TAB3: variants seen among roughly 807,000 people sequenced by gnomAD.
TAB3 encodes TGF-beta activated kinase 1 (MAP3K7) binding protein 3.
In TAB3, 18 loss-of-function variants were observed where a neutral mutation model predicts 48.1. The ratio of observed to expected loss-of-function variants is 0.37; its 90% CI spans 0.26 to 0.55. TAB3 has a LOEUF of 0.55. TAB3 is among the 20% of genes least tolerant of loss of function. TAB3 has a pLI of 0.78. For synonymous variants in TAB3, 185 were observed against 190.2 expected (o/e 0.97, Z 0.22); for missense variants, 414 against 549.8 (o/e 0.75, Z 2.47).
At chrX:30,850,572 C>T (rs1391120815) in intron 7 of TAB3, among the ~76,000 whole-genome samples, 1 of 108,919 alleles carries the variant, frequency 9.2e-6, no homozygotes, top group Non-Finnish European at 1.9e-5. Flanking sequence ...ATTAGCCAGG[C>T]GTGGTGGCAC....
At position 30,859,517 on chromosome X, in the gene TAB3, T is replaced by C. The variant is rs1031041039; in HGVS notation, c.72A>G (p.Pro24=). Residue 24 remains proline, a synonymous_variant, in exon 5 of 11, where the codon CCA becomes CCG. Transcript: ENST00000288422. Reference sequence around the variant, plus strand: ...ACATGCACTGAGACACCACGCCCTCTGGAATTTCAGGGAAACGTTGTCGAA... The same window carrying C: ...ACATGCACTGAGACACCACGCCCTCCGGAATTTCAGGGAAACGTTGTCGAA... ...HDLRQRFPEI[P]EGVVSQCMLQ... The C allele has an allele frequency of 1.7e-6, 2 of 1,210,320 alleles. No individual in the cohort carries two copies. Among genetic ancestry groups the C allele is most frequent in the Admixed American group, 2.2e-5 (1 of 45,896 alleles).
chrX:30,845,906 C>T (rs1449492654), intron 8 of TAB3: 7 of 846,453 alleles, frequency 8.3e-6, no homozygotes, highest in African/African-American at 2.2e-5. Flanking sequence ...ACAATTCAAC[C>T]GATGGGAGCA....
At chrX:30,852,550 C>T (rs775411710) in intron 7 of TAB3, among the ~76,000 whole-genome samples, 4 of 111,242 alleles carry the variant, frequency 3.6e-5, no homozygotes, top group Non-Finnish European at 5.6e-5. Context: ...TGATTATAAT[C>T]GTCAGTGTTT....
chrX:30,874,579 G>A (rs749689686), intron 1 of TAB3, among the ~76,000 whole-genome samples: 6 of 112,287 alleles, frequency 5.3e-5, no homozygotes, highest in East Asian at 5.6e-4. Flanking sequence ...CAGGCCTAAC[G>A]TAAAATAATT....
intron 9 of TAB3, 105 bp from the exon 10 acceptor site, chrX:30,834,257 T>C (rs1323050125): frequency 1.6e-6 from 1 of 644,725 alleles, no homozygotes; most frequent in African/African-American, 2.2e-5. Context: ...CTGAGTGCAT[T>C]TACCCTACCT....
chrX:30,864,046 A>G (rs748533034), intron 4 of TAB3, among the ~76,000 whole-genome samples: 12 of 111,734 alleles, frequency 1.1e-4, no homozygotes, highest in Non-Finnish European at 2.3e-4. Context: ...TTTTTATACA[A>G]TAAGTGCTGA....
At chrX:30,871,634 G>A (rs971804262) in intron 2 of TAB3, 65 bp downstream of exon 2, 1 of 111,720 alleles carries the variant, frequency 9.0e-6, no homozygotes, top group Non-Finnish European at 1.9e-5. Context: ...TATAAATGGA[G>A]GGGAGGGTGT....
Position 30,854,336 on chromosome X carries a change from T to C in TAB3, c.1329A>G (p.Pro443=). The change falls in exon 6 of 11, where the codon CCA becomes CCG. Residue 443 remains proline (P), a synonymous_variant. Transcript: ENST00000288422. The part of the protein sequence containing the change: ...QPTGPSCTPS[P]SPRVIPNPTT... Reference sequence around the variant, plus strand: ...TTGGGTTTGGTATCACTCGAGGAGATGGTGATGGAGTACAAGAAGGTCCAG... The same window carrying C: ...TTGGGTTTGGTATCACTCGAGGAGACGGTGATGGAGTACAAGAAGGTCCAG... 2.5e-6 allele frequency: 3 copies of C among 1,211,169 alleles called. No homozygotes were observed. Among genetic ancestry groups the C allele is most frequent in the Non-Finnish European group, 3.4e-6 (3 of 895,317 alleles).
At chrX:30,862,943 G>A (rs1195690485) in intron 4 of TAB3, among the ~76,000 whole-genome samples, 1 of 112,234 alleles carries the variant, frequency 8.9e-6, no homozygotes, top group Admixed American at 9.4e-5. Flanking sequence ...AATAATTCTT[G>A]TACAAATAAG....
chrX:30,828,768 G>A lies in TAB3; in HGVS notation c.*2659C>T, dbSNP rs1239585672. 8.9e-6 allele frequency: 1 copy of A among 111,784 alleles called. No individual in the cohort carries two copies. The highest frequency in any genetic ancestry group is 3.3e-5 in the African/African-American group (1 of 30,689). The allele number at this position is 111,784 out of a possible 1,213,427, so 9.2% of individuals were successfully genotyped here. A position where few individuals can be genotyped will look rare whatever the true frequency, so the allele number is the denominator to read the frequency against. ...AGAAGTGCACCAGCTGATCCAGCTG[G>A]CACCTCAGCAGCCAGGCGTCATCCG... On this transcript the variant is annotated 3_prime_UTR_variant, in exon 11 of 11. Transcript: ENST00000288422.
At chrX:30,869,796 T>C (rs1303819900) in intron 2 of TAB3, among the ~76,000 whole-genome samples, 5 of 112,354 alleles carry the variant, frequency 4.5e-5, no homozygotes, top group Non-Finnish European at 7.5e-5. Context: ...TTTCAAATGG[T>C]GGGTTTTGAT....
chrX:30,831,566 G>A lies in TAB3; in HGVS notation c.2000C>T (p.Thr667Ile), dbSNP rs1420293546. Residue 667 changes from threonine to isoleucine, a missense_variant, in exon 11 of 11, where the codon ACT becomes ATT. Transcript: ENST00000288422. Reference sequence around the variant, plus strand: ...TGTCCGAGGACTTTGTGTGGAGCCAGTTCGATGCTCTGAGGGAGGTTAGGA... The same window carrying A: ...TGTCCGAGGACTTTGTGTGGAGCCAATTCGATGCTCTGAGGGAGGTTAGGA... ...TQAAAADEHR[T>I]GSTQSPRTQP... is the part of the protein sequence containing the mutation. The A allele has an allele frequency of 1.7e-6, 2 of 1,211,175 alleles. No homozygotes were observed. Among genetic ancestry groups the A allele is most frequent in the Admixed American group, 2.2e-5 (1 of 45,969 alleles).
intron 9 of TAB3, among the ~76,000 whole-genome samples, chrX:30,837,339 C>T (rs1175898421): frequency 9.0e-6 from 1 of 111,143 alleles, no homozygotes; most frequent in Non-Finnish European, 1.9e-5. Context: ...AAGCATGAGC[C>T]ACAAGGCTGG....
chrX:30,848,475 T>C (rs1161675259), intron 7 of TAB3, among the ~76,000 whole-genome samples: 1 of 111,376 alleles, frequency 9.0e-6, no homozygotes, highest in African/African-American at 3.3e-5. Context: ...TGAGCCCAGA[T>C]TGCACCACTG....
At chrX:30,870,400 A>G (rs1939629871) in intron 2 of TAB3, among the ~76,000 whole-genome samples, 2 of 112,331 alleles carry the variant, frequency 1.8e-5, no homozygotes, top group Admixed American at 1.9e-4. Context: ...TTTCTAACCC[A>G]TTGCCCACTC....
At chrX:30,832,468 G>A (rs1417945841) in intron 10 of TAB3, among the ~76,000 whole-genome samples, 1 of 111,881 alleles carries the variant, frequency 8.9e-6, no homozygotes, top group Non-Finnish European at 1.9e-5. Flanking sequence ...TGGGGTAACT[G>A]GAAATGAGAT....
chrX:30,853,944 G>C (rs1938958473), intron 6 of TAB3, among the ~76,000 whole-genome samples, 172 bp downstream of exon 6: 1 of 112,232 alleles, frequency 8.9e-6, no homozygotes, highest in Non-Finnish European at 1.9e-5. Flanking sequence ...CAAAGTGCTG[G>C]GATTACAGGC....
At chrX:30,879,082 A>G (rs908732389) in intron 1 of TAB3, among the ~76,000 whole-genome samples, 1 of 111,867 alleles carries the variant, frequency 8.9e-6, no homozygotes, top group Non-Finnish European at 1.9e-5. Flanking sequence ...GGTATATAAA[A>G]TATACTGAAT....
intron 8 of TAB3, chrX:30,844,852 CCTT>C (rs1179630323): frequency 8.9e-6 from 1 of 112,614 alleles, no homozygotes; most frequent in African/African-American, 3.2e-5. Flanking sequence ...GACCGAGTCT[CCTT>C]CTGTTGCCTA....
Sources: gnomAD v4.1 joint callset for allele counts (sites outside exome capture counted in the v4.1 genomes callset) on GRCh38, gnomAD v4.1.1 for gene constraint, MANE v1.5 for transcripts, NCBI Gene and HGNC (gene_info 2026-07-23, HGNC 2026-07-21) for gene names.